The following ASB11 variants were observed in gnomAD, a reference collection of about 807,000 sequenced individuals.
ASB11 encodes ankyrin repeat and SOCS box protein 11.
A neutral mutation model predicts 20.1 loss-of-function variants in ASB11; 17 were observed. The observed-to-expected ratio is 0.85, with a 90% CI of 0.58 to 1.27. ASB11 has a LOEUF of 1.27. ASB11 is among the 50% of genes most tolerant of loss of function. The pLI is 0.00. For synonymous variants in ASB11, 107 were observed against 105.6 expected (o/e 1.01, Z -0.08); for missense variants, 259 against 256.9 (o/e 1.01, Z -0.06).
intron 1 of ASB11, among the ~76,000 whole-genome samples, chrX:15,303,674 C>T (rs1921144235): frequency 8.9e-6 from 1 of 112,004 alleles, no homozygotes; most frequent in African/African-American, 3.2e-5. Flanking sequence ...ACCTTGATCA[C>T]TTTCTCTGCC....
chrX:15,293,385 C>T, intron 3 of ASB11, 65 bp from the exon 4 acceptor site: 1 of 1,124,043 alleles, frequency 8.9e-7, no homozygotes, highest in South Asian at 2.1e-5. Flanking sequence ...CCAAGTATGT[C>T]TTCCTATGTA....
intron 1 of ASB11, chrX:15,314,257 C>T: frequency 9.9e-7 from 1 of 1,007,255 alleles, no homozygotes; most frequent in Non-Finnish European, 1.3e-6. Flanking sequence ...AAAGCCCTTG[C>T]CCAAATTGAC....
Position 15,289,582 on chromosome X carries a change from C to T in ASB11, c.577G>A (p.Val193Met). 2.5e-6 allele frequency: 3 copies of T among 1,209,650 alleles called. No individual in the cohort carries two copies. The highest frequency in any genetic ancestry group is 3.4e-6 in the Non-Finnish European group (3 of 893,700). ...LANNVNIDHEVPQLGTPLYVA... is the reference protein window; with the variant it reads ...LANNVNIDHEMPQLGTPLYVA... The stretch of plus-strand genomic sequence containing the variant: ...TATAGGGGAGTTCCGAGCTGAGGCA[C>T]CTCATGGTCAATGTTAACATTATTT... The change falls in exon 5 of 7, where the codon GTG (valine) becomes ATG (methionine). Residue 193 changes from valine (V) to methionine (M), a missense_variant. Transcript: ENST00000480796.
At chrX:15,300,602 T>C (rs912786396) in intron 2 of ASB11, among the ~76,000 whole-genome samples, 2 of 112,145 alleles carry the variant, frequency 1.8e-5, no homozygotes, top group Admixed American at 1.9e-4. Context: ...TAAGTATAGT[T>C]AGTGCAATGT....
At chrX:15,302,856 T>A in intron 1 of ASB11, 49 bp from the exon 2 acceptor site, 1 of 1,098,337 alleles carries the variant, frequency 9.1e-7, no homozygotes, top group Non-Finnish European at 1.3e-6. Context: ...CTTCTTCCTG[T>A]AACTTGTCCA....
chrX:15,288,813 A>AGGT (rs1284632844), intron 5 of ASB11, among the ~76,000 whole-genome samples: 1 of 110,512 alleles, frequency 9.0e-6, no homozygotes, highest in East Asian at 2.8e-4. Flanking sequence ...TAAACCCTGG[A>AGGT]GGTGGAGGTT....
At chrX:15,303,310 G>A (rs1465625169) in intron 1 of ASB11, among the ~76,000 whole-genome samples, 4 of 110,715 alleles carry the variant, frequency 3.6e-5, no homozygotes, top group African/African-American at 1.3e-4. Flanking sequence ...GGCCACACAT[G>A]AAATATACTA....
chrX:15,285,371 C>T (rs1927353778), intron 6 of ASB11, among the ~76,000 whole-genome samples: 1 of 108,966 alleles, frequency 9.2e-6, no homozygotes, highest in African/African-American at 3.3e-5. Context: ...GAACTCCTGA[C>T]CTCATGGTCT....
At chrX:15,310,341 A>T (rs1209393946) in intron 1 of ASB11, among the ~76,000 whole-genome samples, 1 of 112,210 alleles carries the variant, frequency 8.9e-6, no homozygotes, top group Admixed American at 9.5e-5. Flanking sequence ...TTCTAAGGCA[A>T]TCTATTTTTA....
intron 2 of ASB11, among the ~76,000 whole-genome samples, chrX:15,298,549 G>A (rs1415811983): frequency 9.0e-6 from 1 of 111,313 alleles, no homozygotes; most frequent in Non-Finnish European, 1.9e-5. Context: ...GCTGCGGAGG[G>A]TCTGGAGCTA....
At chrX:15,312,233 GA>G (rs1326699887) in intron 1 of ASB11, among the ~76,000 whole-genome samples, 3 of 103,901 alleles carry the variant, frequency 2.9e-5, no homozygotes, top group Admixed American at 1.0e-4. Flanking sequence ...CTTTAAAAAA[GA>G]AAAAAAAATA....
intron 1 of ASB11, among the ~76,000 whole-genome samples, chrX:15,306,365 T>C (rs1197493759): frequency 8.9e-6 from 1 of 112,090 alleles, no homozygotes; most frequent in Non-Finnish European, 1.9e-5. Flanking sequence ...TGCATTTGTA[T>C]TTACCCTTGT....
At chrX:15,307,804 C>T (rs1921294039) in intron 1 of ASB11, among the ~76,000 whole-genome samples, 1 of 112,431 alleles carries the variant, frequency 8.9e-6, no homozygotes, top group South Asian at 3.6e-4. Flanking sequence ...TGGTTCCTGA[C>T]TGTGTTCACT....
chrX:15,305,986 T>C lies in ASB11; in HGVS notation c.182-3179A>G, dbSNP rs149359214. Among the ~76,000 whole-genome samples the C allele has an allele frequency of 4.2e-3, 466 of 111,970 alleles. 4 individuals are homozygous for C. Among genetic ancestry groups the C allele is most frequent in the African/African-American group, 0.015 (448 of 30,833 alleles). ...TTCCCCTCTACGTGTCCATGTGTTCTCATCATTTAGCTCCACTTATAAGTG... is the reference window on the plus strand; with the variant it reads ...TTCCCCTCTACGTGTCCATGTGTTCCCATCATTTAGCTCCACTTATAAGTG... On this transcript the variant is annotated intron_variant, in intron 1 of 6. Transcript: ENST00000480796.
At chrX:15,308,768 C>T (rs1921324542) in intron 1 of ASB11, among the ~76,000 whole-genome samples, 1 of 111,516 alleles carries the variant, frequency 9.0e-6, no homozygotes, top group Non-Finnish European at 1.9e-5. Flanking sequence ...TCTCCTTATT[C>T]TCGTGGTAGA....
chrX:15,288,981 T>C (rs746198119), intron 5 of ASB11, among the ~76,000 whole-genome samples: 2 of 112,026 alleles, frequency 1.8e-5, no homozygotes, highest in Non-Finnish European at 3.8e-5. Context: ...TGTAGCAGGA[T>C]AGATATAAAC....
intron 3 of ASB11, among the ~76,000 whole-genome samples, chrX:15,296,742 G>C (rs993165762): frequency 3.6e-5 from 4 of 111,957 alleles, no homozygotes; most frequent in African/African-American, 1.3e-4. Context: ...TTAAAATCTT[G>C]TTATTAAGCC....
rs190720414 is a variant in ASB11 at position 15,313,972 on chromosome X, A to T, written c.181+1453T>A. On this transcript the variant is annotated intron_variant, in intron 1 of 6. Transcript: ENST00000480796. The stretch of plus-strand genomic sequence containing the variant: ...GAGGCTAAGACAGGAGAATTGCTTC[A>T]ACCGGGACCTGGGAGGCGGAGGTTG... 3.1e-3 allele frequency among the ~76,000 whole-genome samples: 337 copies of T among 107,895 alleles called. 2 individuals carry two copies. Among genetic ancestry groups the T allele is most frequent in the African/African-American group, 0.011 (310 of 29,474 alleles). 93.7% of individuals were successfully genotyped at this position (107,895 alleles called of 115,157 possible).
chrX:15,301,261 C>T (rs1345798499), intron 2 of ASB11, among the ~76,000 whole-genome samples: 1 of 111,919 alleles, frequency 8.9e-6, no homozygotes, highest in Non-Finnish European at 1.9e-5. Context: ...CCACATCCGG[C>T]CAGTCCACCT....
Sources: allele counts gnomAD v4.1 joint callset (sites outside exome capture counted in the v4.1 genomes callset), GRCh38; gene constraint gnomAD v4.1.1; transcripts MANE v1.5; gene names NCBI Gene and HGNC (gene_info 2026-07-23, HGNC 2026-07-21).